PKNOX2: variants seen among roughly 807,000 people sequenced by gnomAD.
PKNOX2 encodes the protein PBX/knotted 1 homeobox 2.
Under a neutral mutation model 53.1 loss-of-function variants are expected in PKNOX2, and 14 were observed. The observed-to-expected ratio is 0.26, with a 90% CI of 0.17 to 0.41. The LOEUF is 0.41. Ranked by LOEUF, PKNOX2 falls within the 10% of genes least tolerant of loss-of-function variation. The pLI is 1.00. For missense variants in PKNOX2, 496 were observed against 602.8 expected (o/e 0.82, Z 1.85); for synonymous variants, 257 against 242.8 (o/e 1.06, Z -0.54).
rs1591494433 is a variant in PKNOX2 at position 125,245,809 on chromosome 11, G to A, written c.-130+10694G>A. Among the ~76,000 whole-genome samples the A allele has an allele frequency of 5.9e-5, 9 of 152,340 alleles. 1 individual carries two copies. In the South Asian group the frequency reaches 1.9e-3, roughly 32 times the overall value. On this transcript the variant is annotated intron_variant, in intron 2 of 12. Transcript: ENST00000298282. Reference sequence around the variant, plus strand: ...AGTGGTTACTGAGTTTCTCAGTACTGAGTGAGGAAACTGAAATTCAGGCTG... The same window carrying A: ...AGTGGTTACTGAGTTTCTCAGTACTAAGTGAGGAAACTGAAATTCAGGCTG...
chr11:125,189,403 GTATA>G (rs1269187772), intron 1 of PKNOX2, among the ~76,000 whole-genome samples: 23 of 84,966 alleles, frequency 2.7e-4, no homozygotes, highest in African/African-American at 9.4e-4. Flanking sequence ...ATATATGTGT[GTATA>G]TATATATGTG....
intron 7 of PKNOX2, among the ~76,000 whole-genome samples, chr11:125,405,900 T>C (rs1051941271): frequency 6.6e-6 from 1 of 152,210 alleles, no homozygotes; most frequent in African/African-American, 2.4e-5. Context: ...ACCACGGCTG[T>C]CTTCCTAGTG....
chr11:125,257,980 C>T (rs1280822638), intron 2 of PKNOX2, among the ~76,000 whole-genome samples: 1 of 152,160 alleles, frequency 6.6e-6, no homozygotes, highest in African/African-American at 2.4e-5. Context: ...GGCCTCAGGG[C>T]ACCTGAGCTT....
At chr11:125,420,461 G>A (rs1565522238) in intron 10 of PKNOX2, among the ~76,000 whole-genome samples, 2 of 151,800 alleles carry the variant, frequency 1.3e-5, no homozygotes, top group Non-Finnish European at 1.5e-5. Context: ...GGGAGGTAGA[G>A]CTTGCAGTGA....
intron 10 of PKNOX2, among the ~76,000 whole-genome samples, chr11:125,412,930 T>A (rs1196304202): frequency 6.6e-6 from 1 of 152,150 alleles, no homozygotes; most frequent in East Asian, 1.9e-4. Context: ...CAGGCCTCAG[T>A]GGTTCTCAGA....
At chr11:125,237,867 C>A (rs1942846206) in intron 2 of PKNOX2, among the ~76,000 whole-genome samples, 2 of 152,184 alleles carry the variant, frequency 1.3e-5, no homozygotes, top group Admixed American at 1.3e-4. Flanking sequence ...CACTTACATC[C>A]AGGGCTCCCT....
intron 1 of PKNOX2, among the ~76,000 whole-genome samples, chr11:125,168,794 T>C (rs543044529): frequency 5.8e-4 from 89 of 152,366 alleles, no homozygotes; most frequent in Non-Finnish European, 1.0e-3. Flanking sequence ...GAAAATTAGA[T>C]GTTTAAATGT....
intron 5 of PKNOX2, among the ~76,000 whole-genome samples, chr11:125,377,094 C>T (rs920607130): frequency 1.3e-5 from 2 of 152,114 alleles, no homozygotes; most frequent in African/African-American, 4.8e-5. Flanking sequence ...AAAAAGTGCC[C>T]ACGCACCGTT....
chr11:125,262,380 G>A (rs1469010967), intron 2 of PKNOX2, among the ~76,000 whole-genome samples: 1 of 152,142 alleles, frequency 6.6e-6, no homozygotes, highest in East Asian at 1.9e-4. Flanking sequence ...GGCACTCGGG[G>A]AGGGAGCGCT....
At chr11:125,270,618 A>G (rs11220003) in intron 2 of PKNOX2, among the ~76,000 whole-genome samples, 101,620 of 152,018 alleles carry the variant, frequency 0.67, 36,313 homozygotes, top group African/African-American at 0.91. Flanking sequence ...GACAGCTAAT[A>G]CACTCGAAAA....
chr11:125,280,304 G>A (rs11220005), intron 2 of PKNOX2, among the ~76,000 whole-genome samples: 1 of 152,174 alleles, frequency 6.6e-6, no homozygotes, highest in East Asian at 1.9e-4. Flanking sequence ...GACTCCTGGG[G>A]CTTCTTGAAG....
chr11:125,247,867 C>A (rs913077222), intron 2 of PKNOX2, among the ~76,000 whole-genome samples: 2 of 152,092 alleles, frequency 1.3e-5, no homozygotes, highest in Non-Finnish European at 1.5e-5. Flanking sequence ...TTCCCAAAGT[C>A]TTTTTTTGCT....
At chr11:125,383,429 G>A (rs1953388360) in intron 5 of PKNOX2, among the ~76,000 whole-genome samples, 1 of 139,830 alleles carries the variant, frequency 7.2e-6, no homozygotes, top group Non-Finnish European at 1.5e-5. Flanking sequence ...CTAAAGTGGT[G>A]AAATCCCCTC....
At chr11:125,424,275 G>A (rs1463397777) in intron 10 of PKNOX2, among the ~76,000 whole-genome samples, 1 of 152,128 alleles carries the variant, frequency 6.6e-6, no homozygotes, top group Non-Finnish European at 1.5e-5. Context: ...AGAATGGAAA[G>A]CATGAACAAG....
chr11:125,227,852 C>T (rs551706227), intron 1 of PKNOX2, among the ~76,000 whole-genome samples: 6 of 152,238 alleles, frequency 3.9e-5, no homozygotes, highest in Non-Finnish European at 8.8e-5. Context: ...CTACTGACCT[C>T]ACTGGGTCTG....
chr11:125,328,169 C>T (rs1257781540), intron 2 of PKNOX2, among the ~76,000 whole-genome samples: 1 of 152,208 alleles, frequency 6.6e-6, no homozygotes, highest in Admixed American at 6.5e-5. Flanking sequence ...GCTTCCTCCC[C>T]TCCCCAGCCC....
chr11:125,394,959 C>CGTGTGTGTGT (rs112812944), intron 6 of PKNOX2, among the ~76,000 whole-genome samples: 79 of 149,602 alleles, frequency 5.3e-4, no homozygotes, highest in South Asian at 1.3e-3. Context: ...TACGTGCCCT[C>CGTGTGTGTGT]GTGTGTGTGT....
rs139693608 is a variant in PKNOX2 at position 125,420,955 on chromosome 11, C to T, written c.937-8057C>T. Among the ~76,000 whole-genome samples, 677 of 152,290 alleles carry T rather than the reference C, an allele frequency of 4.4e-3. 16 individuals are homozygous for T. The highest frequency in any genetic ancestry group is 0.038 in the Admixed American group (584 of 15,302). ...GCCTGTCCTTCCTGAAGCCCATGGA[C>T]CCCTCCCGACTTGAACACAGATCTT... On this transcript the variant is annotated intron_variant, in intron 10 of 12. Coordinates refer to ENST00000298282, the MANE Select transcript of PKNOX2 (RefSeq NM_001382323.2).
intron 3 of PKNOX2, among the ~76,000 whole-genome samples, chr11:125,334,771 G>A (rs889257502): frequency 1.4e-5 from 2 of 139,356 alleles, no homozygotes; most frequent in African/African-American, 6.4e-5. Context: ...ACTGATTTTT[G>A]TATTTTTTTT....
Sources: gnomAD v4.1 joint callset for allele counts (sites outside exome capture counted in the v4.1 genomes callset) on GRCh38, gnomAD v4.1.1 for gene constraint, MANE v1.5 for transcripts, NCBI Gene and HGNC (gene_info 2026-07-23, HGNC 2026-07-21) for gene names.